Variants in CR1 observed in about 807,000 individuals in gnomAD.
CR1 encodes complement receptor type 1.
CR1 carries 116 observed loss-of-function variants against 187.3 expected under a neutral mutation model. The observed-to-expected ratio is 0.62, with a 90% CI of 0.53 to 0.72. The LOEUF (loss-of-function observed/expected upper bound fraction) is 0.72, where lower values mean the gene tolerates loss of function less well. Among genes scored for constraint, CR1 ranks in the 30% least tolerant of loss-of-function variants. The pLI, the probability that CR1 is intolerant of heterozygous loss-of-function variation, is 0.00. For synonymous variants in CR1, 576 were observed against 747.1 expected (o/e 0.77, Z 3.73); for missense variants, 1,731 against 2,110.7 (o/e 0.82, Z 3.52).
In CR1 at chr1:207,584,815, C is replaced by A; in HGVS notation, c.5469C>A (p.Asp1823Glu). Residue 1823 changes from aspartate (D) to glutamate (E), a missense_variant, in exon 33 of 47, where the codon GAC becomes GAA. Asp to Glu is a conservative substitution (Grantham distance 45). Transcript: ENST00000367049. ...AGAGCACCATCCGCTGCACAAGTGACCCTCATGGGAATGGGGTTTGGAGCA... is the reference window on the plus strand; with the variant it reads ...AGAGCACCATCCGCTGCACAAGTGAACCTCATGGGAATGGGGTTTGGAGCA... ...IGESTIRCTS[D>E]PHGNGVWSSP... 6.2e-7 allele frequency: 1 copy of A among 1,613,922 alleles called. No homozygotes were observed. The highest frequency in any genetic ancestry group is 2.2e-5 in the East Asian group (1 of 44,882).
rs773620304 is a variant in CR1 at position 207,640,773 on chromosome 1, A to G, written c.*1364A>G. The G allele has an allele frequency of 8.5e-5, 13 of 152,244 alleles. No homozygotes were observed. Among genetic ancestry groups the G allele is most frequent in the Non-Finnish European group, 1.3e-4 (9 of 68,042 alleles). The allele number at this position is 152,244 out of a possible 1,614,324, so 9.4% of individuals were successfully genotyped here. ...TCTGGATATTTAATAATAGCTTTAT[A>G]TATGACTAATGCTCATTTCTATGTA... On this transcript the variant is annotated 3_prime_UTR_variant, in exon 47 of 47. Transcript: ENST00000367049.
In CR1 at chr1:207,604,889, G is replaced by A. The variant is rs773296139; in HGVS notation, c.5811-2362G>A. Among the ~76,000 whole-genome samples, 17 of 152,212 alleles carry A rather than the reference G, an allele frequency of 1.1e-4. No homozygotes were observed. In the South Asian group the frequency reaches 1.4e-3, roughly 13 times the overall value. ...GGGAGCTGAGATTTGGTCAAAGGGC[G>A]CAGGGTTTCAGTTAGACAGGAGGAG... On this transcript the variant is annotated intron_variant, in intron 35 of 46. Transcript: ENST00000367049.
At chr1:207,631,403 T>C (rs1662641781) in intron 46 of CR1, among the ~76,000 whole-genome samples, 1 of 152,188 alleles carries the variant, frequency 6.6e-6, no homozygotes, top group African/African-American at 2.4e-5. Flanking sequence ...GGCTCCCTTT[T>C]ATACTACAAC....
intron 32 of CR1, among the ~76,000 whole-genome samples, chr1:207,582,771 T>A (rs1281053982): frequency 2.0e-5 from 3 of 152,142 alleles, no homozygotes; most frequent in Non-Finnish European, 4.4e-5. Flanking sequence ...TTGGTGATGG[T>A]TAGCTTAGAT....
chr1:207,640,405 G>C lies in CR1; in HGVS notation c.*996G>C, dbSNP rs532135337. The C allele has an allele frequency of 2.0e-5, 3 of 152,186 alleles. No individual in the cohort carries two copies. The highest frequency in any genetic ancestry group is 4.4e-5 in the Non-Finnish European group (3 of 68,070). 9.4% of individuals were successfully genotyped at this position (152,186 alleles called of 1,614,324 possible). On this transcript the variant is annotated 3_prime_UTR_variant, in exon 47 of 47. Transcript: ENST00000367049. Reference sequence around the variant, plus strand: ...CTGCCTCGGCCTCCCAAAGTGCTGCGATTACAGGCATGAGCCACCGCGCCT... The same window carrying C: ...CTGCCTCGGCCTCCCAAAGTGCTGCCATTACAGGCATGAGCCACCGCGCCT...
chr1:207,634,131 G>A (rs55973407), intron 46 of CR1, among the ~76,000 whole-genome samples: 3 of 152,242 alleles, frequency 2.0e-5, no homozygotes, highest in East Asian at 3.9e-4. Flanking sequence ...AGTTACTTCA[G>A]GCCATCTGGG....
At chr1:207,525,113 G>C (rs988266104) in intron 5 of CR1, among the ~76,000 whole-genome samples, 1 of 151,932 alleles carries the variant, frequency 6.6e-6, no homozygotes, top group Non-Finnish European at 1.5e-5. Flanking sequence ...AGCAGATCTC[G>C]AGAGAACTCT....
At chr1:207,590,744 G>A (rs536966636) in intron 35 of CR1, among the ~76,000 whole-genome samples, 7 of 152,192 alleles carry the variant, frequency 4.6e-5, no homozygotes, top group East Asian at 3.9e-4. Flanking sequence ...ACACATAGGC[G>A]CAAAATAAAG....
At chr1:207,610,461 T>C in intron 37 of CR1, among the ~76,000 whole-genome samples, 1 of 152,070 alleles carries the variant, frequency 6.6e-6, no homozygotes. Flanking sequence ...GTCTCACAGG[T>C]AGCTGGAACT....
intron 46 of CR1, among the ~76,000 whole-genome samples, chr1:207,635,400 T>C (rs1662782386): frequency 6.6e-6 from 1 of 152,066 alleles, no homozygotes; most frequent in Non-Finnish European, 1.5e-5. Flanking sequence ...ATAAACAAGG[T>C]AAAGAATTAA....
intron 44 of CR1, 41 bp downstream of exon 44, chr1:207,622,037 A>G: frequency 1.3e-6 from 2 of 1,538,642 alleles, no homozygotes; most frequent in African/African-American, 1.4e-5. Context: ...TCTGGCATCT[A>G]TAACAGTAAG....
chr1:207,578,394 C>G (rs1373349107), intron 29 of CR1, among the ~76,000 whole-genome samples, 191 bp downstream of exon 29: 1 of 152,178 alleles, frequency 6.6e-6, no homozygotes, highest in African/African-American at 2.4e-5. Flanking sequence ...ATTTGGAAAG[C>G]AAGACCTTAA....
At chr1:207,520,525 G>C (rs925321612) in intron 4 of CR1, among the ~76,000 whole-genome samples, 4 of 152,140 alleles carry the variant, frequency 2.6e-5, no homozygotes, top group Non-Finnish European at 5.9e-5. Context: ...CTCTCTGTCT[G>C]TCTCCTCGCG....
At chr1:207,514,990 TATATAC>T (rs1344900724) in intron 4 of CR1, among the ~76,000 whole-genome samples, 12 of 127,590 alleles carry the variant, frequency 9.4e-5, no homozygotes, top group Admixed American at 4.1e-4. Flanking sequence ...CATATATATA[TATATAC>T]ACACACACAC....
At chr1:207,517,173 T>A (rs1376304762) in intron 4 of CR1, among the ~76,000 whole-genome samples, 1 of 152,144 alleles carries the variant, frequency 6.6e-6, no homozygotes, top group East Asian at 1.9e-4. Flanking sequence ...TCTGTTAATG[T>A]AATATATTAC....
intron 44 of CR1, 98 bp downstream of exon 44, chr1:207,622,094 T>C: frequency 1.0e-6 from 1 of 997,470 alleles, no homozygotes; most frequent in Non-Finnish European, 1.5e-6. Context: ...TCAAAATGTC[T>C]TGAGGTGTAA....
rs756690180 is a variant in CR1 at position 207,575,487 on chromosome 1, C to T, written c.4452-108C>T. ...AACAATAGGTAAAGTTTAGGCTAGGCCTTAGACTTCTCCTGCATTGTAATC... is the reference window on the plus strand; with the variant it reads ...AACAATAGGTAAAGTTTAGGCTAGGTCTTAGACTTCTCCTGCATTGTAATC... On this transcript the variant is annotated intron_variant, in intron 27 of 46. Transcript: ENST00000367049. 2.0e-5 allele frequency: 28 copies of T among 1,375,496 alleles called. No individual in the cohort carries two copies. In the Admixed American group the frequency reaches 2.2e-4, roughly 11 times the overall value. 85.2% of individuals were successfully genotyped at this position (1,375,496 alleles called of 1,614,324 possible).
At chr1:207,639,273 A>G (rs902857761) in intron 46 of CR1, 124 bp from the exon 47 acceptor site, 8 of 839,836 alleles carry the variant, frequency 9.5e-6, no homozygotes, top group Non-Finnish European at 1.5e-5. Flanking sequence ...TTGTCCTCCT[A>G]AAGCAACTCC....
At chr1:207,614,812 AATTTTT>A (rs1192072379) in intron 40 of CR1, among the ~76,000 whole-genome samples, 1 of 151,874 alleles carries the variant, frequency 6.6e-6, no homozygotes, top group Admixed American at 6.6e-5. Context: ...ATCTTTCTTA[AATTTTT>A]ATTTTTATTT....
Sources: gnomAD v4.1 joint callset for allele counts (sites outside exome capture counted in the v4.1 genomes callset) on GRCh38, gnomAD v4.1.1 for gene constraint, MANE v1.5 for transcripts, NCBI Gene and HGNC (gene_info 2026-07-23, HGNC 2026-07-21) for gene names.